Variants in ERC1 observed in about 807,000 individuals in gnomAD.
ERC1 encodes the protein RAB6 interacting protein 2.
A neutral mutation model predicts 132.0 loss-of-function variants in ERC1; 56 were observed. That is an observed-to-expected ratio of 0.42 (90% CI 0.34 to 0.53). ERC1 has a LOEUF of 0.53. Among genes scored for constraint, ERC1 ranks in the 20% least tolerant of loss-of-function variants. ERC1 has a pLI of 0.03. For synonymous variants in ERC1, 478 were observed against 476.1 expected (o/e 1.00, Z -0.05); for missense variants, 1,202 against 1,349.9 (o/e 0.89, Z 1.72).
chr12:1,421,689 A>G (rs773642371), intron 17 of ERC1, among the ~76,000 whole-genome samples: 6 of 152,114 alleles, frequency 3.9e-5, no homozygotes, highest in Admixed American at 1.3e-4. Flanking sequence ...CTCCAGCTAC[A>G]TGACTCTTGA....
At chr12:1,301,813 CTTAAAAA>C (rs2080424010) in intron 15 of ERC1, among the ~76,000 whole-genome samples, 1 of 151,870 alleles carries the variant, frequency 6.6e-6, no homozygotes, top group African/African-American at 2.4e-5. Flanking sequence ...TGCCCCTGAA[CTTAAAAA>C]TTAAGAAAAA....
chr12:1,284,344 G>A (rs1021086426), intron 14 of ERC1, among the ~76,000 whole-genome samples: 4 of 148,248 alleles, frequency 2.7e-5, no homozygotes, highest in African/African-American at 9.9e-5. Context: ...ATCCACTGAT[G>A]GACACTTAGG....
chr12:1,239,101 G>C (rs906579534), intron 13 of ERC1, among the ~76,000 whole-genome samples: 1 of 152,076 alleles, frequency 6.6e-6, no homozygotes, highest in Non-Finnish European at 1.5e-5. Flanking sequence ...GTATATTTCT[G>C]TTTGTTTATT....
At chr12:1,001,101 C>T (rs1226689413) in intron 1 of ERC1, among the ~76,000 whole-genome samples, 1 of 152,120 alleles carries the variant, frequency 6.6e-6, no homozygotes, top group Non-Finnish European at 1.5e-5. Context: ...GGAGTTTCAC[C>T]ATGTTGGCTA....
chr12:1,319,852 T>C (rs1204236232), intron 15 of ERC1, among the ~76,000 whole-genome samples: 3 of 152,142 alleles, frequency 2.0e-5, no homozygotes, highest in African/African-American at 7.2e-5. Context: ...CTTTTCAAAG[T>C]ACCTAAAGCT....
At chr12:1,375,275 A>G (rs2087749861) in intron 16 of ERC1, among the ~76,000 whole-genome samples, 1 of 152,168 alleles carries the variant, frequency 6.6e-6, no homozygotes, top group African/African-American at 2.4e-5. Flanking sequence ...GGCAGGAGAG[A>G]GAGCGATCAA....
intron 17 of ERC1, among the ~76,000 whole-genome samples, chr12:1,413,864 C>T (rs140767013): frequency 1.3e-5 from 2 of 152,330 alleles, no homozygotes; most frequent in Non-Finnish European, 2.9e-5. Context: ...GACTGGATGG[C>T]TTAAACCAGC....
At chr12:1,060,668 A>G (rs1156720155) in intron 2 of ERC1, among the ~76,000 whole-genome samples, 2 of 152,142 alleles carry the variant, frequency 1.3e-5, no homozygotes, top group Non-Finnish European at 2.9e-5. Context: ...TAGCATGGGA[A>G]AGACTGGCCC....
intron 3 of ERC1, among the ~76,000 whole-genome samples, chr12:1,096,391 T>TTG (rs1944042360): frequency 6.6e-6 from 1 of 152,250 alleles, no homozygotes; most frequent in South Asian, 2.1e-4. Flanking sequence ...AATAAAAATG[T>TTG]TGTAAAGTAT....
At chr12:1,367,739 A>C (rs1376409943) in intron 15 of ERC1, among the ~76,000 whole-genome samples, 1 of 152,110 alleles carries the variant, frequency 6.6e-6, no homozygotes, top group East Asian at 1.9e-4. Flanking sequence ...GAGCCCTTTT[A>C]GGGACATCTT....
At chr12:1,373,562 A>ACC (rs2154375163) in intron 16 of ERC1, among the ~76,000 whole-genome samples, 1 of 152,330 alleles carries the variant, frequency 6.6e-6, no homozygotes, top group East Asian at 1.9e-4. Context: ...CGGGTGGATC[A>ACC]TGAGGTCAGG....
At chr12:1,376,165 GAAA>G (rs1489047694) in intron 16 of ERC1, among the ~76,000 whole-genome samples, 1 of 152,000 alleles carries the variant, frequency 6.6e-6, no homozygotes, top group Non-Finnish European at 1.5e-5. Flanking sequence ...GGGCAGTTAG[GAAA>G]AAGAGGTAGA....
At chr12:1,023,603 C>G (rs996944885) in intron 1 of ERC1, among the ~76,000 whole-genome samples, 1 of 152,012 alleles carries the variant, frequency 6.6e-6, no homozygotes, top group African/African-American at 2.4e-5. Flanking sequence ...AATTTGGAGT[C>G]TTTGTTGTAC....
rs374326925 is a variant in ERC1 at position 1,028,017 on chromosome 12, G to A, written c.114G>A (p.Thr38=). The A allele has an allele frequency of 7.4e-6, 12 of 1,614,050 alleles. No individual in the cohort carries two copies. The highest frequency in any genetic ancestry group is 4.5e-5 in the East Asian group (2 of 44,900). ...PRLGHRRTNS[T]GGSSGSSVGG... ...TGGGTCACCGTCGAACCAACAGTAC[G>A]GGAGGGAGTTCGGGAAGCAGTGTTG... The change falls in exon 2 of 19, where the codon ACG becomes ACA. Residue 38 remains threonine (T), a synonymous_variant. Transcript: ENST00000360905.
At chr12:998,530 G>A (rs1404686910) in intron 1 of ERC1, 1 of 152,168 alleles carries the variant, frequency 6.6e-6, no homozygotes, top group Non-Finnish European at 1.5e-5. Flanking sequence ...CTTAAAATAT[G>A]ATATCTCAGT....
At chr12:1,148,336 G>C (rs1344476568) in intron 8 of ERC1, among the ~76,000 whole-genome samples, 1 of 152,108 alleles carries the variant, frequency 6.6e-6, no homozygotes, top group Non-Finnish European at 1.5e-5. Flanking sequence ...AGAAGGTGAA[G>C]GGGAAGCAAG....
chr12:1,492,247 G>A lies in ERC1; in HGVS notation c.*2017G>A, dbSNP rs2094324448. On this transcript the variant is annotated 3_prime_UTR_variant, in exon 19 of 19. Transcript: ENST00000360905. Reference sequence around the variant, plus strand: ...GGGTGCAGGGGTTAGATAGTAAGTGGTGGTCGTTTGTGGTCAGTTACCTCA... The same window carrying A: ...GGGTGCAGGGGTTAGATAGTAAGTGATGGTCGTTTGTGGTCAGTTACCTCA... The A allele has an allele frequency of 4.3e-6, 1 of 233,164 alleles. No individual in the cohort carries two copies. The highest frequency in any genetic ancestry group is 2.2e-5 in the African/African-American group (1 of 45,348). The allele number at this position is 233,164 out of a possible 1,614,324, so 14.4% of individuals were successfully genotyped here.
intron 1 of ERC1, among the ~76,000 whole-genome samples, chr12:1,016,243 T>G (rs1354696570): frequency 1.3e-5 from 2 of 152,252 alleles, no homozygotes; most frequent in Non-Finnish European, 2.9e-5. Context: ...TATTACATTT[T>G]CTGGTTCAAC....
chr12:1,101,154 A>G (rs1198678501), intron 3 of ERC1, among the ~76,000 whole-genome samples: 3 of 152,136 alleles, frequency 2.0e-5, no homozygotes, highest in Admixed American at 1.3e-4. Flanking sequence ...TATTTTTCCT[A>G]TTAAAGCTTC....
Sources: gnomAD v4.1 joint callset for allele counts (sites outside exome capture counted in the v4.1 genomes callset) on GRCh38, gnomAD v4.1.1 for gene constraint, MANE v1.5 for transcripts, NCBI Gene and HGNC (gene_info 2026-07-23, HGNC 2026-07-21) for gene names.